The following SLC27A6 variants were observed in gnomAD, a reference collection of about 807,000 sequenced individuals.
SLC27A6 encodes long-chain fatty acid transport protein 6.
A neutral mutation model predicts 63.9 loss-of-function variants in SLC27A6; 74 were observed. The observed-to-expected ratio is 1.16, with a 90% CI of 0.96 to 1.40. The LOEUF is 1.40. Ranked by LOEUF, SLC27A6 falls within the 40% of genes most tolerant of loss-of-function variation. The pLI is 0.00. For missense variants in SLC27A6, 794 were observed against 732.9 expected, an observed-to-expected ratio of 1.08 and a Z score of -0.96; for synonymous variants, 287 against 260.8, an observed-to-expected ratio of 1.10 and a Z score of -0.97.
intron 4 of SLC27A6, among the ~76,000 whole-genome samples, chr5:129,008,812 G>A (rs1335067138): frequency 6.6e-6 from 1 of 151,452 alleles, no homozygotes; most frequent in African/African-American, 2.4e-5. Flanking sequence ...AAATCAACAA[G>A]TGAGAGCGTT....
intron 1 of SLC27A6, among the ~76,000 whole-genome samples, chr5:128,972,546 A>G (rs1750214383): frequency 1.3e-5 from 2 of 151,944 alleles, no homozygotes. Context: ...CCTTTCTTCC[A>G]CTTAATCAAA....
At chr5:129,012,324 A>G (rs1751753969) in intron 4 of SLC27A6, among the ~76,000 whole-genome samples, 1 of 151,932 alleles carries the variant, frequency 6.6e-6, no homozygotes, top group African/African-American at 2.4e-5. Context: ...GTCAGAGAAC[A>G]TAGTTTGAAT....
Position 129,033,313 on chromosome 5 carries a change from T to C in SLC27A6, c.*31T>C. On this transcript the variant is annotated 3_prime_UTR_variant, in exon 10 of 10. Transcript: ENST00000262462. ...TTATATCTAGAACTTTCATATGCTTTCTTAGGAAGAGTGAGAGGGGGGTAT... is the reference window on the plus strand; with the variant it reads ...TTATATCTAGAACTTTCATATGCTTCCTTAGGAAGAGTGAGAGGGGGGTAT... 2.9e-6 allele frequency: 4 copies of C among 1,389,260 alleles called. No homozygotes were observed. The highest frequency in any genetic ancestry group is 3.9e-6 in the Non-Finnish European group (4 of 1,017,228). The allele number at this position is 1,389,260 out of a possible 1,614,324, so 86.1% of individuals were successfully genotyped here. A position where few individuals can be genotyped will look rare whatever the true frequency, so the allele number is the denominator to read the frequency against.
chr5:128,995,358 T>C (rs1276499885), intron 4 of SLC27A6, among the ~76,000 whole-genome samples: 1 of 152,176 alleles, frequency 6.6e-6, no homozygotes, highest in African/African-American at 2.4e-5. Context: ...TATTGTAGGA[T>C]TAGATATACA....
intron 4 of SLC27A6, among the ~76,000 whole-genome samples, chr5:129,000,346 T>C (rs1167378560): frequency 6.6e-6 from 1 of 152,194 alleles, no homozygotes; most frequent in Non-Finnish European, 1.5e-5. Flanking sequence ...TATTATATCC[T>C]TAGTGCCTAG....
At chr5:129,011,759 C>A (rs1300757830) in intron 4 of SLC27A6, among the ~76,000 whole-genome samples, 1 of 152,086 alleles carries the variant, frequency 6.6e-6, no homozygotes, top group Non-Finnish European at 1.5e-5. Context: ...ATTTAAGGGG[C>A]TACTGATAAA....
intron 2 of SLC27A6, among the ~76,000 whole-genome samples, chr5:128,985,709 C>G (rs926928491): frequency 1.3e-5 from 2 of 152,124 alleles, no homozygotes; most frequent in Non-Finnish European, 2.9e-5. Context: ...TTTCTGATAT[C>G]TAAAATGAAG....
rs1750641634 is a variant in SLC27A6, at chr5:128,982,883, C to T, written c.482-2250C>T. Among the ~76,000 whole-genome samples the T allele has an allele frequency of 2.0e-5, 3 of 152,068 alleles. No individual in the cohort carries two copies. In the South Asian group the frequency reaches 6.2e-4, roughly 32 times the overall value. On this transcript the variant is annotated intron_variant, in intron 1 of 9. Transcript: ENST00000262462. ...AATAAGACATCTTAAGGCTATGAAC[C>T]CCACTTTCCACCGCATATCAACTTC...
intron 4 of SLC27A6, among the ~76,000 whole-genome samples, chr5:129,003,953 G>GT (rs1234432183): frequency 7.2e-6 from 1 of 139,820 alleles, no homozygotes; most frequent in Admixed American, 7.3e-5. Flanking sequence ...GGGTGACACA[G>GT]TGAGACCCTG....
chr5:129,025,918 T>C (rs180920822), intron 6 of SLC27A6, among the ~76,000 whole-genome samples: 133 of 152,234 alleles, frequency 8.7e-4, no homozygotes, highest in African/African-American at 3.1e-3. Flanking sequence ...GGAGGATGGC[T>C]TAAGCCCAAG....
intron 4 of SLC27A6, among the ~76,000 whole-genome samples, chr5:129,014,523 A>C (rs1368800576): frequency 6.6e-6 from 1 of 152,164 alleles, no homozygotes; most frequent in African/African-American, 2.4e-5. Flanking sequence ...GCCTTTCTTC[A>C]TGGCCTCCAA....
intron 2 of SLC27A6, among the ~76,000 whole-genome samples, chr5:128,987,187 A>AAT (rs1750819576): frequency 6.6e-6 from 1 of 152,038 alleles, no homozygotes; most frequent in South Asian, 2.1e-4. Flanking sequence ...TGTTCTCTTT[A>AAT]ATATATATAA....
At chr5:129,007,660 T>G (rs1009042823) in intron 4 of SLC27A6, among the ~76,000 whole-genome samples, 2 of 152,106 alleles carry the variant, frequency 1.3e-5, no homozygotes, top group African/African-American at 4.8e-5. Context: ...CTAAGAATTC[T>G]TCATTGAAGA....
intron 4 of SLC27A6, among the ~76,000 whole-genome samples, chr5:129,003,163 G>A (rs1367805246): frequency 6.6e-6 from 1 of 152,196 alleles, no homozygotes; most frequent in Non-Finnish European, 1.5e-5. Flanking sequence ...GAGAATCTGT[G>A]TGCATACATC....
At chr5:128,968,346 C>A (rs1749992154) in intron 1 of SLC27A6, among the ~76,000 whole-genome samples, 1 of 152,120 alleles carries the variant, frequency 6.6e-6, no homozygotes, top group Admixed American at 6.5e-5. Flanking sequence ...CACCGTCTTC[C>A]ACAATGGTTG....
intron 1 of SLC27A6, among the ~76,000 whole-genome samples, chr5:128,975,676 G>A (rs963862365): frequency 1.3e-4 from 20 of 152,180 alleles, no homozygotes; most frequent in African/African-American, 4.3e-4. Context: ...CTATGTGTTA[G>A]CAGTAAGTTA....
intron 4 of SLC27A6, among the ~76,000 whole-genome samples, chr5:129,009,824 G>A (rs1751669809): frequency 1.3e-5 from 2 of 151,944 alleles, no homozygotes; most frequent in South Asian, 4.1e-4. Flanking sequence ...ACAGGTGCAC[G>A]CTGCCATGCC....
intron 4 of SLC27A6, among the ~76,000 whole-genome samples, chr5:129,005,047 C>T (rs945666012): frequency 3.9e-5 from 6 of 152,166 alleles, no homozygotes; most frequent in Non-Finnish European, 7.4e-5. Flanking sequence ...CAGGTGGGGG[C>T]AGGTTATTGT....
At chr5:129,011,792 G>A (rs1307819829) in intron 4 of SLC27A6, among the ~76,000 whole-genome samples, 2 of 152,040 alleles carry the variant, frequency 1.3e-5, no homozygotes, top group African/African-American at 4.8e-5. Context: ...TTATATCTGA[G>A]AAAGAGTTAA....
Sources: allele counts gnomAD v4.1 joint callset (sites outside exome capture counted in the v4.1 genomes callset), GRCh38; gene constraint gnomAD v4.1.1; transcripts MANE v1.5; gene names NCBI Gene and HGNC (gene_info 2026-07-23, HGNC 2026-07-21).